Variants in ANKRD33B observed in about 807,000 individuals in gnomAD.
ANKRD33B encodes the protein ankyrin repeat domain 33B.
In ANKRD33B, 6 loss-of-function variants were observed where a neutral mutation model predicts 21.5. The observed-to-expected ratio is 0.28, with a 90% CI of 0.15 to 0.55. The LOEUF (loss-of-function observed/expected upper bound fraction) is 0.55. Ranked by LOEUF, ANKRD33B falls within the 20% of genes least tolerant of loss-of-function variation. The pLI, the probability that ANKRD33B is intolerant of heterozygous loss-of-function variation, is 0.94. For missense variants in ANKRD33B, 698 were observed against 747.2 expected (o/e 0.93, Z 0.77); for synonymous variants, 347 against 342.4 (o/e 1.01, Z -0.15).
rs534706859 is a variant in ANKRD33B at position 10,606,607 on chromosome 5, G to A, written c.367-11726G>A. 6.7e-3 allele frequency among the ~76,000 whole-genome samples: 1,015 copies of A among 152,190 alleles called. 10 individuals are homozygous for A. Among genetic ancestry groups the A allele is most frequent in the African/African-American group, 0.021 (879 of 41,562 alleles). On this transcript the variant is annotated intron_variant, in intron 1 of 3. Coordinates refer to ENST00000296657, the MANE Select transcript of ANKRD33B (RefSeq NM_001164440.2). ...AAATTAGCTGGGCGTGTTGGCGAGT[G>A]CCTGTAGTCCCAGCTACTCGGGAGG...
chr5:10,594,353 G>A (rs1253597289), intron 1 of ANKRD33B, among the ~76,000 whole-genome samples: 1 of 151,714 alleles, frequency 6.6e-6, no homozygotes, highest in Non-Finnish European at 1.5e-5. Flanking sequence ...GAGGAGCTGG[G>A]ATTACAGGCA....
intron 1 of ANKRD33B, among the ~76,000 whole-genome samples, chr5:10,573,615 A>C (rs368148780): frequency 9.2e-5 from 14 of 152,218 alleles, no homozygotes; most frequent in Non-Finnish European, 1.0e-4. Context: ...ACAGTTCCAC[A>C]TGGCTGGGGA....
intron 1 of ANKRD33B, among the ~76,000 whole-genome samples, chr5:10,575,307 C>T (rs1218982072): frequency 6.6e-6 from 1 of 151,946 alleles, no homozygotes; most frequent in South Asian, 2.1e-4. Context: ...CTTGGAATCC[C>T]AGCTACTCGG....
intron 2 of ANKRD33B, among the ~76,000 whole-genome samples, chr5:10,626,909 C>G (rs962170782): frequency 1.3e-5 from 2 of 152,154 alleles, no homozygotes; most frequent in African/African-American, 4.8e-5. Context: ...TTGTGAAGCG[C>G]AATCTTAAAG....
At chr5:10,604,615 A>G (rs767091733) in intron 1 of ANKRD33B, among the ~76,000 whole-genome samples, 9 of 152,174 alleles carry the variant, frequency 5.9e-5, no homozygotes, top group Middle Eastern at 6.8e-3. Context: ...GAGTTGCAGA[A>G]TTAATTATAT....
Position 10,619,112 on chromosome 5 carries a change from T to C in ANKRD33B, c.496+650T>C, listed in dbSNP as rs768262226. ...TTTTTGAGGACAGACATGAAACCTATGCTTGCCTCTTCATAATCACACTTC... is the reference window on the plus strand; with the variant it reads ...TTTTTGAGGACAGACATGAAACCTACGCTTGCCTCTTCATAATCACACTTC... On this transcript the variant is annotated intron_variant, in intron 2 of 3. Transcript: ENST00000296657. This position sits in a 1 kb window ranked among gnomAD's most constrained non-coding sequence, Gnocchi z 4.5. 1.3e-5 allele frequency among the ~76,000 whole-genome samples: 2 copies of C among 152,218 alleles called. No homozygotes were observed. Among genetic ancestry groups the C allele is most frequent in the African/African-American group, 2.4e-5 (1 of 41,462 alleles).
chr5:10,628,195 T>C (rs961942990), intron 2 of ANKRD33B: 7 of 152,370 alleles, frequency 4.6e-5, no homozygotes, highest in African/African-American at 1.7e-4. Context: ...TGCCTGTTTT[T>C]TTTAGATGGA....
intron 2 of ANKRD33B, among the ~76,000 whole-genome samples, chr5:10,622,984 G>C (rs1438700442): frequency 2.6e-5 from 4 of 152,026 alleles, no homozygotes; most frequent in Non-Finnish European, 5.9e-5. Context: ...AGCAGCCTGG[G>C]GCGTGGTGGG....
chr5:10,638,025 C>A lies in ANKRD33B; in HGVS notation c.497-3C>A. ...CAATACACGTGTACACTTCTCTTTA[C>A]AGGGCACGCTATCATCACTAACTAC... On this transcript the variant is annotated splice_region_variant and splice_polypyrimidine_tract_variant and intron_variant, in intron 2 of 3. Transcript: ENST00000296657. 1 of 1,537,382 alleles carries A rather than the reference C, an allele frequency of 6.5e-7. No individual in the cohort carries two copies. The highest frequency in any genetic ancestry group is 8.7e-7 in the Non-Finnish European group (1 of 1,146,828).
intron 2 of ANKRD33B, among the ~76,000 whole-genome samples, chr5:10,623,994 T>TAC (rs1267667231): frequency 6.6e-6 from 1 of 152,256 alleles, no homozygotes; most frequent in Non-Finnish European, 1.5e-5. Context: ...CTCTCTTCAG[T>TAC]CTGCTCTCTG....
chr5:10,634,542 C>T (rs1736810048), intron 2 of ANKRD33B, among the ~76,000 whole-genome samples: 1 of 150,746 alleles, frequency 6.6e-6, no homozygotes, highest in Non-Finnish European at 1.5e-5. Flanking sequence ...TCACTGCAAC[C>T]TCCACCTCCT....
Position 10,618,433 on chromosome 5 carries a change from A to G in ANKRD33B, c.467A>G (p.Asn156Ser), listed in dbSNP as rs1211221560. 5.2e-6 allele frequency: 8 copies of G among 1,536,886 alleles called. No homozygotes were observed. Among genetic ancestry groups the G allele is most frequent in the African/African-American group, 1.4e-5 (1 of 73,062 alleles). Residue 156 changes from asparagine to serine, a missense_variant, in exon 2 of 4, where the codon AAC (asparagine) becomes AGC (serine). Coordinates refer to ENST00000296657, the MANE Select transcript of ANKRD33B (RefSeq NM_001164440.2). Reference protein sequence around the residue: ...VDVNWQDSEGNTALITAAQAG... With the variant: ...VDVNWQDSEGSTALITAAQAG... ...GTCAACTGGCAGGACAGCGAGGGGA[A>G]CACAGCCCTAATCACAGCTGCACAG...
At chr5:10,605,369 A>G (rs1163795289) in intron 1 of ANKRD33B, among the ~76,000 whole-genome samples, 3 of 152,212 alleles carry the variant, frequency 2.0e-5, no homozygotes, top group Non-Finnish European at 4.4e-5. Context: ...TGGCTACCAC[A>G]GTTGTGGTTG....
At chr5:10,627,984 A>G (rs987043177) in intron 2 of ANKRD33B, 1 of 152,140 alleles carries the variant, frequency 6.6e-6, no homozygotes, top group African/African-American at 2.4e-5. Flanking sequence ...CTGCCCCTCC[A>G]TCTGCATGGT....
chr5:10,578,405 T>G (rs1167738458), intron 1 of ANKRD33B, among the ~76,000 whole-genome samples: 1 of 152,212 alleles, frequency 6.6e-6, no homozygotes, highest in Non-Finnish European at 1.5e-5. Flanking sequence ...AGCAGCATGT[T>G]AAGTTACATT....
intron 1 of ANKRD33B, among the ~76,000 whole-genome samples, chr5:10,588,212 A>C (rs146531385): frequency 6.6e-6 from 1 of 152,374 alleles, no homozygotes; most frequent in African/African-American, 2.4e-5. Flanking sequence ...AGGCATACTT[A>C]TGTATTTGAG....
chr5:10,653,406 G>T lies in ANKRD33B; in HGVS notation c.*3293G>T. On this transcript the variant is annotated 3_prime_UTR_variant, in exon 4 of 4. Coordinates refer to ENST00000296657, the MANE Select transcript of ANKRD33B (RefSeq NM_001164440.2). ...GAGGGGACAAGTCGGCCCCCAGTGA[G>T]GCTCAGGGAGTGCAGGAGACCAGGG... The T allele has an allele frequency of 6.5e-6, 1 of 152,792 alleles. No individual in the cohort carries two copies. Among genetic ancestry groups the T allele is most frequent in the Non-Finnish European group, 1.5e-5 (1 of 68,240 alleles). The allele number at this position is 152,792 out of a possible 1,614,324, so 9.5% of individuals were successfully genotyped here.
In ANKRD33B at chr5:10,653,370, G is replaced by A. The variant is rs546651687; in HGVS notation, c.*3257G>A. 5.2e-5 allele frequency: 8 copies of A among 152,536 alleles called. No individual in the cohort carries two copies. The highest frequency in any genetic ancestry group is 1.9e-4 in the African/African-American group (8 of 41,556). The allele number at this position is 152,536 out of a possible 1,614,324, so 9.4% of individuals were successfully genotyped here. ...TGCTCTTGTTTTCTCATTCTCTTTG[G>A]AGTGGGCACAGAGGGGACAAGTCGG... On this transcript the variant is annotated 3_prime_UTR_variant, in exon 4 of 4. Transcript: ENST00000296657.
chr5:10,624,898 G>T, intron 2 of ANKRD33B: 1 of 431,686 alleles, frequency 2.3e-6, no homozygotes, highest in Non-Finnish European at 4.6e-6. Context: ...CTGGGGTGGG[G>T]CCCAAGAATG....
Sources: gnomAD v4.1 joint callset for allele counts (sites outside exome capture counted in the v4.1 genomes callset) on GRCh38, gnomAD v4.1.1 for gene constraint, Gnocchi (gnomAD v3.1) non-coding constraint, MANE v1.5 for transcripts, NCBI Gene and HGNC (gene_info 2026-07-23, HGNC 2026-07-21) for gene names.